The following CWC25 variants were observed in gnomAD, a reference collection of about 807,000 sequenced individuals.
CWC25 encodes the protein pre-mRNA-splicing factor CWC25 homolog.
Under a neutral mutation model 54.6 loss-of-function variants are expected in CWC25, and 31 were observed. That is an observed-to-expected ratio of 0.57 (90% CI 0.43 to 0.77). The LOEUF (loss-of-function observed/expected upper bound fraction) is 0.77, where lower values mean the gene tolerates loss of function less well. Ranked by LOEUF, CWC25 falls within the 30% of genes least tolerant of loss-of-function variation. CWC25 has a pLI of 0.00. For synonymous variants in CWC25, 151 were observed against 187.0 expected (o/e 0.81, Z 1.57); for missense variants, 453 against 529.3 (o/e 0.86, Z 1.41).
At position 38,806,770 on chromosome 17, in the gene CWC25, G is replaced by T; in HGVS notation, c.897C>A (p.Ser299Arg). The T allele has an allele frequency of 6.3e-7, 1 of 1,579,902 alleles. No homozygotes were observed. The highest frequency in any genetic ancestry group is 1.4e-5 in the African/African-American group (1 of 73,488). Residue 299 changes from serine (S) to arginine (R), a missense_variant, in exon 7 of 10, where the codon AGC becomes AGA. Ser to Arg is a moderately radical substitution (Grantham distance 110, BLOSUM62 -1). This residue lies in a region of CWC25 where 444 missense variants were observed against 499.2 expected (regional missense o/e 0.89). Coordinates refer to ENST00000614790, the MANE Select transcript of CWC25 (RefSeq NM_017748.5). ...LGRRSRSPRP[S>R]KLHNSKVNRR... ...CCAGTGAATCCCACACTCACAGTTT[G>T]CTGGGTCTTGGGGACCGTGACCTTC... is the stretch of plus-strand genomic sequence containing the variant.
In CWC25 at chr17:38,814,466, C is replaced by T. The variant is rs567057684; in HGVS notation, c.428+395G>A. On this transcript the variant is annotated intron_variant, in intron 3 of 9. Coordinates refer to ENST00000614790, the MANE Select transcript of CWC25 (RefSeq NM_017748.5). ...AATATTATCAAGAAAATAGGCTGGGCGTGGTGGCTCACGCCTGTAATCCCA... is the reference window on the plus strand; with the variant it reads ...AATATTATCAAGAAAATAGGCTGGGTGTGGTGGCTCACGCCTGTAATCCCA... Among the ~76,000 whole-genome samples, 14 of 150,588 alleles carry T rather than the reference C, an allele frequency of 9.3e-5. No homozygotes were observed. In the East Asian group the frequency reaches 1.2e-3, roughly 13 times the overall value.
At chr17:38,823,054 G>A (rs956540295) in intron 1 of CWC25, among the ~76,000 whole-genome samples, 1 of 151,364 alleles carries the variant, frequency 6.6e-6, no homozygotes, top group African/African-American at 2.4e-5. Context: ...TAGCCATGAT[G>A]GTCTCGATCT....
In CWC25 at chr17:38,809,765, T is replaced by C. The variant is rs773405345; in HGVS notation, c.627A>G (p.Arg209=). The C allele has an allele frequency of 3.1e-6, 5 of 1,613,622 alleles. No individual in the cohort carries two copies. Among genetic ancestry groups the C allele is most frequent in the Non-Finnish European group, 4.2e-6 (5 of 1,179,730 alleles). Residue 209 remains arginine (R), a splice_region_variant and synonymous_variant, in exon 6 of 10, where the codon AGA becomes AGG. Coordinates refer to ENST00000614790, the MANE Select transcript of CWC25 (RefSeq NM_017748.5). ...AGGAATTTGCCATCTTCTTCTGTGA[T>C]CTAAGAGATCAAAATACACACACTC... ...SSSEDEHSAG[R]SQKKMANSSP...
In CWC25 at chr17:38,801,846, C is replaced by T; in HGVS notation, c.*246G>A. The T allele has an allele frequency of 2.7e-6, 1 of 377,124 alleles. No individual in the cohort carries two copies. Among genetic ancestry groups the T allele is most frequent in the South Asian group, 5.9e-5 (1 of 16,878 alleles). The allele number at this position is 377,124 out of a possible 1,614,324, so 23.4% of individuals were successfully genotyped here. A position where few individuals can be genotyped will look rare whatever the true frequency, so the allele number is the denominator to read the frequency against. On this transcript the variant is annotated 3_prime_UTR_variant, in exon 10 of 10. Coordinates refer to ENST00000614790, the MANE Select transcript of CWC25 (RefSeq NM_017748.5). ...CCTTCCAGAGTGGCACAAGCACTCC[C>T]ACCGAGATGGTCCAGTGCCCACCCG...
chr17:38,824,463 G>C (rs940116356), intron 1 of CWC25, among the ~76,000 whole-genome samples: 1 of 151,818 alleles, frequency 6.6e-6, no homozygotes, highest in East Asian at 1.9e-4. Context: ...GAGGCGGGCG[G>C]ATCACTTGAG....
chr17:38,800,644 T>C lies in CWC25; in HGVS notation c.*1448A>G, dbSNP rs749034316. On this transcript the variant is annotated 3_prime_UTR_variant, in exon 10 of 10. Coordinates refer to ENST00000614790, the MANE Select transcript of CWC25 (RefSeq NM_017748.5). ...ATACATTTTAAGCAGAATTAGGAAT[T>C]AGCAGAACAAGGAAATCGCCCAGCT... 2.6e-5 allele frequency: 4 copies of C among 152,216 alleles called. No homozygotes were observed. The highest frequency in any genetic ancestry group is 2.1e-4 in the South Asian group (1 of 4,830). 9.4% of individuals were successfully genotyped at this position (152,216 alleles called of 1,614,324 possible).
At chr17:38,815,596 G>A (rs1482368637) in intron 2 of CWC25, 4 of 934,108 alleles carry the variant, frequency 4.3e-6, no homozygotes, top group African/African-American at 1.7e-5. Flanking sequence ...TGAGGCTTAC[G>A]AGTGAATGGA....
At chr17:38,816,679 G>A (rs988377274) in intron 2 of CWC25, among the ~76,000 whole-genome samples, 1 of 147,690 alleles carries the variant, frequency 6.8e-6, no homozygotes, top group Non-Finnish European at 1.5e-5. Flanking sequence ...ACACTGCAGG[G>A]CCATGACCCT....
At chr17:38,816,251 T>G (rs759861261) in intron 2 of CWC25, among the ~76,000 whole-genome samples, 1 of 152,124 alleles carries the variant, frequency 6.6e-6, no homozygotes, top group African/African-American at 2.4e-5. Flanking sequence ...ACTTTTTTGT[T>G]CTTTTTTTTC....
At chr17:38,809,651 G>A in intron 6 of CWC25, 51 bp downstream of exon 6, 1 of 1,562,868 alleles carries the variant, frequency 6.4e-7, no homozygotes, top group Non-Finnish European at 8.8e-7. Flanking sequence ...TGTCCAAGTG[G>A]CACATCCCAC....
chr17:38,806,221 T>G (rs1254637458), intron 8 of CWC25, 76 bp downstream of exon 8: 9 of 1,247,864 alleles, frequency 7.2e-6, no homozygotes, highest in Non-Finnish European at 1.0e-5. Flanking sequence ...TGATGGATTA[T>G]CCATTTGCCA....
In CWC25 at chr17:38,821,029, C is replaced by G. The variant is rs1911902577; in HGVS notation, c.63G>C (p.Glu21Asp). 6.2e-7 allele frequency: 1 copy of G among 1,613,842 alleles called. No individual in the cohort carries two copies. The highest frequency in any genetic ancestry group is 8.5e-7 in the Non-Finnish European group (1 of 1,179,898). ...GCTTCTGCTCGGCCTTCCACACTTT[C>G]TCCACATTCCTGAGGGTCTGCGGGT... The part of the protein sequence containing the change: ...SWHPQTLRNV[E>D]KVWKAEQKHE... Residue 21 changes from glutamate to aspartate, a missense_variant, in exon 2 of 10, where the codon GAG (glutamate) becomes GAC (aspartate). Glu to Asp is a conservative substitution (Grantham distance 45). Transcript: ENST00000614790.
rs1338622108 is a variant in CWC25, at chr17:38,800,581, G to A, written c.*1511C>T. On this transcript the variant is annotated 3_prime_UTR_variant, in exon 10 of 10. Transcript: ENST00000614790. ...GAAAGATCGGGTTTCAAGCATTACA[G>A]TGCCTGGCATCATAAGTGTTCAAAA... 1 of 152,148 alleles carries A rather than the reference G, an allele frequency of 6.6e-6. No individual in the cohort carries two copies. Among genetic ancestry groups the A allele is most frequent in the Non-Finnish European group, 1.5e-5 (1 of 68,028 alleles). 9.4% of individuals were successfully genotyped at this position (152,148 alleles called of 1,614,324 possible).
Position 38,810,542 on chromosome 17 carries a change from CT to C in CWC25, c.551del (p.Lys184ArgfsTer61). 1.3e-6 allele frequency: 2 copies of C among 1,594,638 alleles called. No individual in the cohort carries two copies. Among genetic ancestry groups the C allele is most frequent in the Non-Finnish European group, 8.6e-7 (1 of 1,168,856 alleles). Reference protein sequence around the residue: ...KEKKKKKEKKKKHKKHKHRSS... With the variant: ...KEKKKKKEKKXKHKKHKHRSS... ...TTCTGTGCTTATGTTTCTTGTGCTT[CT>C]TTTTCTTCTCCTTCTTTTTCTTCTT... is the stretch of plus-strand genomic sequence containing the variant. On this transcript the variant is annotated frameshift_variant, in exon 5 of 10. Coordinates refer to ENST00000614790, the MANE Select transcript of CWC25 (RefSeq NM_017748.5). LOFTEE classifies it high-confidence loss of function.
intron 6 of CWC25, among the ~76,000 whole-genome samples, chr17:38,807,464 C>A (rs1911302747): frequency 7.1e-6 from 1 of 141,002 alleles, no homozygotes; most frequent in African/African-American, 2.6e-5. Context: ...CTAAAAGAAT[C>A]TCCTTCGGTC....
At chr17:38,815,119 A>G (rs753917951) in intron 2 of CWC25, 22 bp from the exon 3 acceptor site, 21 of 1,597,850 alleles carry the variant, frequency 1.3e-5, no homozygotes, top group Non-Finnish European at 1.8e-5. Context: ...GAAGAAAAAG[A>G]AATACAATTT....
At chr17:38,824,883 C>G (rs557196705) in intron 1 of CWC25, among the ~76,000 whole-genome samples, 8 of 152,236 alleles carry the variant, frequency 5.3e-5, no homozygotes, top group Non-Finnish European at 1.0e-4. Context: ...ATGGCTCCAT[C>G]CGCCCCCTCC....
At chr17:38,822,925 C>T (rs2143610198) in intron 1 of CWC25, among the ~76,000 whole-genome samples, 1 of 151,000 alleles carries the variant, frequency 6.6e-6, no homozygotes, top group South Asian at 2.1e-4. Flanking sequence ...GCAAGCTCCA[C>T]CTTCCAGGTT....
At chr17:38,819,558 G>A (rs1911841274) in intron 2 of CWC25, among the ~76,000 whole-genome samples, 1 of 149,806 alleles carries the variant, frequency 6.7e-6, no homozygotes, top group Non-Finnish European at 1.5e-5. Context: ...TTTTAGTAGA[G>A]ATGGGGTTTC....
Sources: allele counts gnomAD v4.1 joint callset (sites outside exome capture counted in the v4.1 genomes callset), GRCh38; gene constraint gnomAD v4.1.1; regional missense constraint gnomAD v4.1.1; transcripts MANE v1.5; gene names NCBI Gene and HGNC (gene_info 2026-07-23, HGNC 2026-07-21).